Variants in AKR1E2 observed in about 807,000 individuals in gnomAD.
AKR1E2 encodes 1,5-anhydro-D-fructose reductase.
A neutral mutation model predicts 41.9 loss-of-function variants in AKR1E2; 43 were observed. That is an observed-to-expected ratio of 1.03 (90% CI 0.80 to 1.32). The LOEUF (loss-of-function observed/expected upper bound fraction) is 1.32, where lower values mean the gene tolerates loss of function less well. Ranked by LOEUF, AKR1E2 falls within the 40% of genes most tolerant of loss-of-function variation. AKR1E2 has a pLI of 0.00. For synonymous variants in AKR1E2, 121 were observed against 138.9 expected (o/e 0.87, Z 0.91); for missense variants, 423 against 396.5 (o/e 1.07, Z -0.57).
At chr10:4,827,405 T>A (rs1832628433) in intron 1 of AKR1E2, among the ~76,000 whole-genome samples, 1 of 145,388 alleles carries the variant, frequency 6.9e-6, no homozygotes, top group Non-Finnish European at 1.6e-5. Flanking sequence ...CAGTAAGTCT[T>A]AAAAGCTGTG....
chr10:4,860,104 TC>T, the AKR1E2 span, among the ~76,000 whole-genome samples: 1 of 152,196 alleles, frequency 6.6e-6, no homozygotes, highest in African/African-American at 2.4e-5. Flanking sequence ...AAACCTCAGA[TC>T]CTTTCCAGTT....
chr10:4,838,680 T>C (rs1364754308), intron 5 of AKR1E2, among the ~76,000 whole-genome samples: 2 of 152,184 alleles, frequency 1.3e-5, no homozygotes, highest in Non-Finnish European at 2.9e-5. Flanking sequence ...CTGGGTCCTG[T>C]TGTAGCCACC....
At chr10:4,827,075 GAAAAAAAAA>G (rs5782783) in intron 1 of AKR1E2, among the ~76,000 whole-genome samples, 3 of 123,144 alleles carry the variant, frequency 2.4e-5, no homozygotes, top group South Asian at 2.7e-4. Flanking sequence ...GACCTTGCTG[GAAAAAAAAA>G]AAAAAAAAAG....
At chr10:4,832,304 A>T (rs767090906) in intron 2 of AKR1E2, among the ~76,000 whole-genome samples, 1 of 152,208 alleles carries the variant, frequency 6.6e-6, no homozygotes, top group Admixed American at 6.5e-5. Flanking sequence ...TGTTGTTTCT[A>T]TAGTTGAATT....
chr10:4,837,729 G>A, intron 5 of AKR1E2, 148 bp downstream of exon 5: 1 of 1,303,196 alleles, frequency 7.7e-7, no homozygotes, highest in Non-Finnish European at 1.0e-6. Context: ...GTGATTAAAG[G>A]CAGCAGCTAG....
At chr10:4,836,641 C>T (rs949241394) in intron 4 of AKR1E2, among the ~76,000 whole-genome samples, 7 of 152,186 alleles carry the variant, frequency 4.6e-5, no homozygotes, top group South Asian at 2.1e-4. Context: ...TAGGCTCCCC[C>T]CATCAATAGA....
At chr10:4,844,649 A>G (rs1168074311) in intron 8 of AKR1E2, among the ~76,000 whole-genome samples, 1 of 152,086 alleles carries the variant, frequency 6.6e-6, no homozygotes. Flanking sequence ...TGTCAACACA[A>G]AGGTTCTCCA....
chr10:4,845,096 C>T (rs1042055792), intron 8 of AKR1E2, among the ~76,000 whole-genome samples: 1 of 152,168 alleles, frequency 6.6e-6, no homozygotes, highest in Non-Finnish European at 1.5e-5. Context: ...AGAAATGGAG[C>T]GCAGCGCCGG....
At chr10:4,839,874 G>C in intron 6 of AKR1E2, 48 bp downstream of exon 6, 1 of 1,514,340 alleles carries the variant, frequency 6.6e-7, no homozygotes, top group Non-Finnish European at 9.2e-7. Flanking sequence ...CTGGGAAGTA[G>C]ATGCCACCTT....
intron 2 of AKR1E2, among the ~76,000 whole-genome samples, chr10:4,832,601 C>T (rs187525211): frequency 6.6e-6 from 1 of 152,166 alleles, no homozygotes; most frequent in Admixed American, 6.5e-5. Context: ...ATAAATCACA[C>T]ATATAAGCAC....
downstream of AKR1E2, among the ~76,000 whole-genome samples, chr10:4,852,028 A>T (rs1834534618): frequency 6.6e-6 from 1 of 152,212 alleles, no homozygotes; most frequent in African/African-American, 2.4e-5. Flanking sequence ...GTGGAAAATC[A>T]AACATTTCTT....
chr10:4,859,596 A>G, the AKR1E2 span, among the ~76,000 whole-genome samples: 3 of 152,188 alleles, frequency 2.0e-5, no homozygotes. Flanking sequence ...GTGGGGATAC[A>G]ATTCTGCCCG....
In AKR1E2 at chr10:4,847,578, T is replaced by C. The variant is rs1869214; in HGVS notation, c.*48T>C. On this transcript the variant is annotated 3_prime_UTR_variant, in exon 10 of 10. Coordinates refer to ENST00000298375, the MANE Select transcript of AKR1E2 (RefSeq NM_001040177.3). ...CTGCTCAGCCCAGATGCACAGACAC[T>C]ATTGGCAATGTTGACCCTCCTCTGT... The C allele has an allele frequency of 0.042, 67,237 of 1,595,988 alleles. 1,783 individuals carry two copies. Among genetic ancestry groups the C allele is most frequent in the East Asian group, 0.12 (5,500 of 44,754 alleles).
chr10:4,858,071 T>G, the AKR1E2 span, among the ~76,000 whole-genome samples: 2 of 152,206 alleles, frequency 1.3e-5, no homozygotes, highest in African/African-American at 4.8e-5. Context: ...GATGTAAAGT[T>G]AGTTTGTTGA....
At chr10:4,852,180 C>G (rs1035917851), downstream of AKR1E2, among the ~76,000 whole-genome samples, 2 of 152,148 alleles carry the variant, frequency 1.3e-5, no homozygotes, top group Non-Finnish European at 2.9e-5. Context: ...GTGAGTCACA[C>G]GAGTTCAAGC....
chr10:4,827,075 G>GAAAAAAAAA (rs5782783), intron 1 of AKR1E2, among the ~76,000 whole-genome samples: 3 of 123,128 alleles, frequency 2.4e-5, no homozygotes, highest in Admixed American at 1.7e-4. Flanking sequence ...GACCTTGCTG[G>GAAAAAAAAA]AAAAAAAAAA....
Position 4,826,720 on chromosome 10 carries a change from C to T in AKR1E2, c.39+357C>T, listed in dbSNP as rs1328537776. Among the ~76,000 whole-genome samples, 3 of 152,254 alleles carry T rather than the reference C, an allele frequency of 2.0e-5. No individual in the cohort carries two copies. The East Asian group carries it at 5.8e-4, about 30-fold the overall frequency. ...TGGAGCGGGGATGCCGAGGGGAGGC[C>T]TTGGCGGCGCTGGACTCGGCCGGAA... On this transcript the variant is annotated intron_variant, in intron 1 of 9. Transcript: ENST00000298375.
chr10:4,859,372 G>A, the AKR1E2 span, among the ~76,000 whole-genome samples: 1 of 152,166 alleles, frequency 6.6e-6, no homozygotes, highest in Non-Finnish European at 1.5e-5. Context: ...GGTACCAGAG[G>A]CCAAGAGGCA....
chr10:4,844,535 G>A (rs192005586), intron 8 of AKR1E2, among the ~76,000 whole-genome samples: 5,294 of 152,254 alleles, frequency 0.035, 149 homozygotes, highest in East Asian at 0.11. Context: ...ATTTTACAGA[G>A]AGCCGAGTGG....
Sources: allele counts gnomAD v4.1 joint callset (sites outside exome capture counted in the v4.1 genomes callset), GRCh38; gene constraint gnomAD v4.1.1; transcripts MANE v1.5; gene names NCBI Gene and HGNC (gene_info 2026-07-23, HGNC 2026-07-21).